The following DOCK2 variants were observed in gnomAD, a reference collection of about 807,000 sequenced individuals.
DOCK2 encodes dedicator of cytokinesis protein 2.
Under a neutral mutation model 248.9 loss-of-function variants are expected in DOCK2, and 87 were observed. The observed-to-expected ratio is 0.35, with a 90% CI of 0.29 to 0.42. The LOEUF is 0.42. DOCK2 is among the 10% of genes least tolerant of loss of function. DOCK2 has a pLI of 1.00. For synonymous variants in DOCK2, 805 were observed against 821.6 expected (o/e 0.98, Z 0.35); for missense variants, 1,747 against 2,300.2 (o/e 0.76, Z 4.92).
At chr5:169,952,022 C>A (rs757756200) in intron 27 of DOCK2, among the ~76,000 whole-genome samples, 20 of 152,206 alleles carry the variant, frequency 1.3e-4, no homozygotes, top group Non-Finnish European at 2.4e-4. Flanking sequence ...TTAAATATTT[C>A]TATTCTCACA....
chr5:169,982,144 A>T (rs570510274), intron 27 of DOCK2, among the ~76,000 whole-genome samples: 21 of 149,860 alleles, frequency 1.4e-4, no homozygotes, highest in Non-Finnish European at 3.0e-4. Context: ...TGGCTGGACC[A>T]CAGTAGAACT....
Position 169,891,928 on chromosome 5 carries a change from G to A in DOCK2, c.2799+51076G>A, listed in dbSNP as rs1243397927. Among the ~76,000 whole-genome samples the A allele has an allele frequency of 1.5e-4, 22 of 151,100 alleles. No homozygotes were observed. In the South Asian group the frequency reaches 3.1e-3, roughly 22 times the overall value. The stretch of plus-strand genomic sequence containing the variant: ...AGAGAATCGCTTGAACCTGGGAGGC[G>A]GAGGTTGCAGTGAGCCGAGATTGTG... On this transcript the variant is annotated intron_variant, in intron 27 of 51. Coordinates refer to ENST00000520908, the MANE Select transcript of DOCK2 (RefSeq NM_004946.3).
intron 27 of DOCK2, chr5:169,864,170 C>A: frequency 9.3e-7 from 1 of 1,071,862 alleles, no homozygotes; most frequent in South Asian, 1.4e-5. Flanking sequence ...GGGCTCACAG[C>A]CCAGGGCCTT....
Position 169,843,093 on chromosome 5 carries a change from A to G in DOCK2, c.2799+2241A>G, listed in dbSNP as rs911032601. Among the ~76,000 whole-genome samples, 5 of 152,202 alleles carry G rather than the reference A, an allele frequency of 3.3e-5. No individual in the cohort carries two copies. The East Asian group carries it at 7.7e-4, about 23-fold the overall frequency. ...CTTTTCATCAACTTTTTTCCATCCA[A>G]ATATCCAGCCAAAATGGATGTCTGG... is the stretch of plus-strand genomic sequence containing the variant. On this transcript the variant is annotated intron_variant, in intron 27 of 51. Coordinates refer to ENST00000520908, the MANE Select transcript of DOCK2 (RefSeq NM_004946.3).
chr5:169,749,593 T>G (rs1763795940), intron 23 of DOCK2, among the ~76,000 whole-genome samples: 1 of 152,182 alleles, frequency 6.6e-6, no homozygotes, highest in Admixed American at 6.5e-5. Context: ...GCTCAGACAG[T>G]TGAAACAGCT....
chr5:169,988,968 A>G (rs1778141795), intron 29 of DOCK2, among the ~76,000 whole-genome samples: 1 of 152,202 alleles, frequency 6.6e-6, no homozygotes, highest in African/African-American at 2.4e-5. Flanking sequence ...GTCAGGGCCA[A>G]CTTCACTTGT....
chr5:169,817,343 T>C (rs1768127220), intron 26 of DOCK2, among the ~76,000 whole-genome samples: 1 of 152,258 alleles, frequency 6.6e-6, no homozygotes, highest in African/African-American at 2.4e-5. Context: ...TGAAGTAATA[T>C]CTTTCTATCC....
At chr5:170,004,838 A>C (rs1169271399) in intron 30 of DOCK2, among the ~76,000 whole-genome samples, 3 of 148,634 alleles carry the variant, frequency 2.0e-5, no homozygotes, top group Admixed American at 2.0e-4. Context: ...AACACCGCAT[A>C]TTCTCACTCA....
intron 17 of DOCK2, 107 bp from the exon 18 acceptor site, chr5:169,713,921 C>T: frequency 7.6e-7 from 1 of 1,309,578 alleles, no homozygotes. Context: ...TTTCTTCACT[C>T]TTTATGACTC....
At chr5:169,922,132 C>G (rs1386905053) in intron 27 of DOCK2, among the ~76,000 whole-genome samples, 1 of 152,178 alleles carries the variant, frequency 6.6e-6, no homozygotes, top group Non-Finnish European at 1.5e-5. Context: ...ACATAAACTG[C>G]AGTAATGTCA....
At chr5:169,727,987 C>T (rs750547826) in intron 22 of DOCK2, among the ~76,000 whole-genome samples, 4 of 152,026 alleles carry the variant, frequency 2.6e-5, no homozygotes, top group Admixed American at 6.6e-5. Context: ...TCACAATAAT[C>T]CAGGCAAGAG....
At chr5:169,803,227 A>G in intron 26 of DOCK2, 21 bp downstream of exon 26, 1 of 1,609,500 alleles carries the variant, frequency 6.2e-7, no homozygotes, top group Non-Finnish European at 8.5e-7. Context: ...CTGATGATGT[A>G]GATATCCTGG....
At chr5:170,063,281 T>C (rs1411112180) in intron 44 of DOCK2, among the ~76,000 whole-genome samples, 1 of 152,224 alleles carries the variant, frequency 6.6e-6, no homozygotes, top group African/African-American at 2.4e-5. Flanking sequence ...TCCCAACTTT[T>C]AGATCTATTT....
intron 5 of DOCK2, among the ~76,000 whole-genome samples, chr5:169,671,487 G>A (rs1441232764): frequency 6.6e-6 from 1 of 152,166 alleles, no homozygotes; most frequent in Non-Finnish European, 1.5e-5. Context: ...CTCCCAAGGG[G>A]TTTAATAATC....
intron 27 of DOCK2, among the ~76,000 whole-genome samples, chr5:169,905,646 G>A (rs572019187): frequency 4.6e-5 from 7 of 152,250 alleles, no homozygotes; most frequent in South Asian, 4.2e-4. Context: ...GATGGGTGTG[G>A]GGTAGGCAGG....
At chr5:169,832,868 T>C (rs1355184123) in intron 26 of DOCK2, among the ~76,000 whole-genome samples, 2 of 151,712 alleles carry the variant, frequency 1.3e-5, no homozygotes, top group African/African-American at 4.8e-5. Flanking sequence ...AAAAAAAATG[T>C]AGGCCTTTGG....
At chr5:169,815,185 G>T (rs756074096) in intron 26 of DOCK2, among the ~76,000 whole-genome samples, 8 of 152,118 alleles carry the variant, frequency 5.3e-5, no homozygotes, top group Admixed American at 3.9e-4. Flanking sequence ...TTGCCTGGCG[G>T]GCATGGAAAA....
In DOCK2 at chr5:169,788,882, T is replaced by A. The variant is rs183574794; in HGVS notation, c.2555-14176T>A. Among the ~76,000 whole-genome samples, 14 of 152,320 alleles carry A rather than the reference T, an allele frequency of 9.2e-5. 1 individual carries two copies. In the East Asian group the frequency reaches 2.7e-3, roughly 29 times the overall value. ...AAGTTCAGGGGTCCATGTGCGGGTT[T>A]GTTATATGGGTAAACTTGTGTCATG... On this transcript the variant is annotated intron_variant, in intron 25 of 51. Coordinates refer to ENST00000520908, the MANE Select transcript of DOCK2 (RefSeq NM_004946.3).
chr5:170,028,371 C>A (rs1379922872), intron 34 of DOCK2: 1 of 155,132 alleles, frequency 6.4e-6, no homozygotes, highest in Non-Finnish European at 1.5e-5. Context: ...ACACTTACTC[C>A]CTTTGATGCC....
Sources: gnomAD v4.1 joint callset for allele counts (sites outside exome capture counted in the v4.1 genomes callset) on GRCh38, gnomAD v4.1.1 for gene constraint, MANE v1.5 for transcripts, NCBI Gene and HGNC (gene_info 2026-07-23, HGNC 2026-07-21) for gene names.